Variants in ZNF831 observed in about 807,000 individuals in gnomAD.
ZNF831 encodes chromosome 20 open reading frame 174.
Under a neutral mutation model 95.8 loss-of-function variants are expected in ZNF831, and 59 were observed. That is an observed-to-expected ratio of 0.62 (90% CI 0.50 to 0.77). The LOEUF is 0.77. Ranked by LOEUF, ZNF831 falls within the 30% of genes least tolerant of loss-of-function variation. The pLI is 0.00. For missense variants in ZNF831, 2,205 were observed against 2,164.0 expected, an observed-to-expected ratio of 1.02 and a Z score of -0.38; for synonymous variants, 961 against 925.5, an observed-to-expected ratio of 1.04 and a Z score of -0.70.
At chr20:59,197,155 T>G (rs539624371) in intron 3 of ZNF831, among the ~76,000 whole-genome samples, 16 of 152,266 alleles carry the variant, frequency 1.1e-4, no homozygotes, top group African/African-American at 3.6e-4. Context: ...CTGTAGCTGC[T>G]CAGACCCTCA....
intron 1 of ZNF831, among the ~76,000 whole-genome samples, chr20:59,140,029 C>A (rs951528110): frequency 3.9e-5 from 6 of 152,300 alleles, no homozygotes; most frequent in Admixed American, 2.0e-4. Flanking sequence ...AGAACTCTTA[C>A]AATAAGTAAA....
In ZNF831 at chr20:59,193,391, G is replaced by A. The variant is rs2146582520; in HGVS notation, c.2372G>A (p.Gly791Asp). 6.2e-7 allele frequency: 1 copy of A among 1,603,884 alleles called. No homozygotes were observed. The highest frequency in any genetic ancestry group is 8.5e-7 in the Non-Finnish European group (1 of 1,175,052). Residue 791 changes from glycine to aspartate, a missense_variant, in exon 2 of 6, where the codon GGT becomes GAT. Coordinates refer to ENST00000371030, the MANE Select transcript of ZNF831 (RefSeq NM_178457.3). ...PDPKLEGGARGVGDVQETCLW... is the reference protein window; with the variant it reads ...PDPKLEGGARDVGDVQETCLW... ...CCCAAGCTGGAAGGAGGTGCCCGAG[G>A]TGTGGGGGATGTTCAGGAGACCTGC...
intron 4 of ZNF831, among the ~76,000 whole-genome samples, chr20:59,241,366 A>C (rs1201469883): frequency 6.6e-6 from 1 of 152,128 alleles, no homozygotes; most frequent in Non-Finnish European, 1.5e-5. Context: ...GCTGAAAAAA[A>C]AAAATGCCAC....
intron 4 of ZNF831, among the ~76,000 whole-genome samples, chr20:59,231,750 AAAG>A (rs1202275955): frequency 1.3e-5 from 2 of 152,140 alleles, no homozygotes; most frequent in African/African-American, 2.4e-5. Context: ...GCCGTTTGTA[AAAG>A]AAGGAGCAAG....
At chr20:59,195,697 G>T (rs778519245) in intron 2 of ZNF831, 172 bp from the exon 3 acceptor site, 5 of 892,988 alleles carry the variant, frequency 5.6e-6, no homozygotes, top group South Asian at 5.2e-5. Context: ...GTCCAGGAAC[G>T]CTCTGCCGTT....
chr20:59,174,909 G>A (rs539860446), intron 1 of ZNF831, among the ~76,000 whole-genome samples: 12 of 152,176 alleles, frequency 7.9e-5, no homozygotes, highest in Admixed American at 3.9e-4. Flanking sequence ...CATTCTTTGA[G>A]GGTGGGCCTG....
At chr20:59,172,669 A>G (rs1350380711) in intron 1 of ZNF831, among the ~76,000 whole-genome samples, 1 of 152,116 alleles carries the variant, frequency 6.6e-6, no homozygotes, top group Non-Finnish European at 1.5e-5. Flanking sequence ...GGTCACCATC[A>G]TTTCCAGATT....
intron 1 of ZNF831, among the ~76,000 whole-genome samples, chr20:59,183,004 T>TAC (rs892927315): frequency 6.6e-6 from 1 of 152,172 alleles, no homozygotes; most frequent in African/African-American, 2.4e-5. Flanking sequence ...TCCCTTTGGG[T>TAC]CCTGGCTGGC....
chr20:59,147,476 C>T (rs1363899457), intron 2 of ZNF831, among the ~76,000 whole-genome samples: 1 of 152,190 alleles, frequency 6.6e-6, no homozygotes, highest in African/African-American at 2.4e-5. Context: ...TCACTCTGGC[C>T]CTTGGATGTC....
intron 3 of ZNF831, among the ~76,000 whole-genome samples, chr20:59,205,639 C>A (rs898932418): frequency 6.6e-6 from 1 of 152,120 alleles, no homozygotes; most frequent in Admixed American, 6.5e-5. Flanking sequence ...TGGATCTTGG[C>A]GGTGGCTCAG....
At chr20:59,157,546 G>T (rs1252303259) in intron 2 of ZNF831, among the ~76,000 whole-genome samples, 1 of 152,162 alleles carries the variant, frequency 6.6e-6, no homozygotes, top group African/African-American at 2.4e-5. Flanking sequence ...CAGAGTGAAA[G>T]GTCATAGGCC....
chr20:59,157,685 G>C (rs1443852401), intron 2 of ZNF831, among the ~76,000 whole-genome samples: 5 of 152,186 alleles, frequency 3.3e-5, no homozygotes, highest in Non-Finnish European at 5.9e-5. Context: ...AGAGTTGGCA[G>C]AGGCTAATAT....
chr20:59,170,347 G>A (rs924768335), intron 1 of ZNF831, among the ~76,000 whole-genome samples: 3 of 152,096 alleles, frequency 2.0e-5, no homozygotes, highest in Non-Finnish European at 4.4e-5. Context: ...GTTTTCACAC[G>A]TCAGTGTATT....
intron 5 of ZNF831, among the ~76,000 whole-genome samples, 197 bp downstream of exon 5, chr20:59,253,335 CAT>C (rs1355350955): frequency 1.3e-5 from 2 of 152,070 alleles, no homozygotes; most frequent in African/African-American, 4.8e-5. Context: ...GTAGTGCAAA[CAT>C]TGGGATGATT....
rs1254234776 is a variant in ZNF831 at position 59,254,288 on chromosome 20, A to T, written c.4579A>T (p.Ser1527Cys). The T allele has an allele frequency of 1.2e-6, 2 of 1,614,042 alleles. No homozygotes were observed. Among genetic ancestry groups the T allele is most frequent in the Non-Finnish European group, 8.5e-7 (1 of 1,179,958 alleles). ...SQTAGRTLTSSSPDSKVTEEG... is the reference protein window; with the variant it reads ...SQTAGRTLTSCSPDSKVTEEG... ...GACTGCAGGGAGGACTCTGACATCA[A>T]GCTCCCCAGACAGCAAAGTCACAGA... Residue 1527 changes from serine to cysteine, a missense_variant, in exon 6 of 6, where the codon AGC becomes TGC. Coordinates refer to ENST00000371030, the MANE Select transcript of ZNF831 (RefSeq NM_178457.3). The surrounding 1 kb of genome is among the most constrained non-coding windows in gnomAD (Gnocchi z 4.5).
rs1173428796 is a variant in ZNF831 at position 59,254,153 on chromosome 20, C to A, written c.4444C>A (p.Pro1482Thr). Residue 1482 changes from proline (P) to threonine (T), a missense_variant, in exon 6 of 6, where the codon CCC (proline) becomes ACC (threonine). Transcript: ENST00000371030. This position sits in a 1 kb window ranked among gnomAD's most constrained non-coding sequence, Gnocchi z 4.5. Reference sequence around the variant, plus strand: ...TTCCTTTGGGTCCAAAGGAACTTTTCCCCACCATGACATTGCTACCTCTGT... The same window carrying A: ...TTCCTTTGGGTCCAAAGGAACTTTTACCCACCATGACATTGCTACCTCTGT... ...PSSFGSKGTF[P>T]HHDIATSVAA... 1 of 1,614,108 alleles carries A rather than the reference C, an allele frequency of 6.2e-7. No individual in the cohort carries two copies. Among genetic ancestry groups the A allele is most frequent in the Admixed American group, 1.7e-5 (1 of 60,022 alleles).
intron 1 of ZNF831, among the ~76,000 whole-genome samples, chr20:59,185,620 G>A (rs1042171559): frequency 2.4e-4 from 36 of 151,950 alleles, no homozygotes; most frequent in African/African-American, 7.7e-4. Context: ...TCTGAAATTC[G>A]TCCTGCAGCG....
At position 59,250,948 on chromosome 20, in the gene ZNF831, G is replaced by GA. The variant is rs534563508; in HGVS notation, c.4028-2022dup. 5.3e-5 allele frequency among the ~76,000 whole-genome samples: 8 copies of GA among 151,160 alleles called. No homozygotes were observed. In the South Asian group the frequency reaches 8.4e-4, roughly 16 times the overall value. ...AAGAGAGAGAAGACAAAACAGAAGG[G>GA]AAAAAAAATCAGAAATAACAGGTAA... On this transcript the variant is annotated intron_variant, in intron 4 of 5. Coordinates refer to ENST00000371030, the MANE Select transcript of ZNF831 (RefSeq NM_178457.3).
At chr20:59,213,894 T>C (rs1035770652) in intron 4 of ZNF831, among the ~76,000 whole-genome samples, 29 of 152,182 alleles carry the variant, frequency 1.9e-4, no homozygotes, top group Non-Finnish European at 2.9e-5. Context: ...GTCCTTTCCA[T>C]GCCTTTTAAC....
Sources: allele counts gnomAD v4.1 joint callset (sites outside exome capture counted in the v4.1 genomes callset), GRCh38; gene constraint gnomAD v4.1.1; non-coding constraint Gnocchi (gnomAD v3.1); transcripts MANE v1.5; gene names NCBI Gene and HGNC (gene_info 2026-07-23, HGNC 2026-07-21).